Variants in NR2C2 observed in about 807,000 individuals in gnomAD.
NR2C2 encodes nuclear receptor subfamily 2 group C member 2.
Under a neutral mutation model 62.9 loss-of-function variants are expected in NR2C2, and 6 were observed. The observed-to-expected ratio is 0.10, with a 90% CI of 0.05 to 0.19. NR2C2 has a LOEUF of 0.19. Among genes scored for constraint, NR2C2 ranks in the 10% least tolerant of loss-of-function variants. The pLI is 1.00. For missense variants in NR2C2, 479 were observed against 762.7 expected, an observed-to-expected ratio of 0.63 and a Z score of 4.38; for synonymous variants, 272 against 273.8, an observed-to-expected ratio of 0.99 and a Z score of 0.07.
At chr3:14,999,802 T>C (rs928663813) in intron 1 of NR2C2, among the ~76,000 whole-genome samples, 33 of 152,208 alleles carry the variant, frequency 2.2e-4, no homozygotes, top group African/African-American at 7.5e-4. Context: ...TTATCAAATT[T>C]GAACATATAG....
intron 8 of NR2C2, 137 bp downstream of exon 8, chr3:15,028,856 C>A: frequency 1.1e-6 from 1 of 949,872 alleles, no homozygotes; most frequent in Non-Finnish European, 1.5e-6. Context: ...CCCTGCTCAT[C>A]TGTCTTCTTT....
In NR2C2 at chr3:14,972,526, A is replaced by G. The variant is rs564085621; in HGVS notation, c.-40+24620A>G. Among the ~76,000 whole-genome samples, 161 of 152,316 alleles carry G rather than the reference A, an allele frequency of 1.1e-3. 1 individual carries two copies. The highest frequency in any genetic ancestry group is 3.8e-3 in the African/African-American group (156 of 41,572). On this transcript the variant is annotated intron_variant, in intron 1 of 13. Coordinates refer to ENST00000425241, the MANE Select transcript of NR2C2 (RefSeq NM_001291694.2). ...ATTCATATATTTTTGGAGAATGTCT[A>G]TTCAAGTACTTTCCCACTTTTTAAT...
At chr3:15,015,604 ATAGAG>A (rs1305378329) in intron 3 of NR2C2, among the ~76,000 whole-genome samples, 1 of 152,200 alleles carries the variant, frequency 6.6e-6, no homozygotes, top group East Asian at 1.9e-4. Context: ...TAGTAGCCAG[ATAGAG>A]TAGATCAGTG....
Position 14,994,321 on chromosome 3 carries a change from G to A in NR2C2, c.-39-9555G>A, listed in dbSNP as rs2004816. 2.6e-3 allele frequency among the ~76,000 whole-genome samples: 400 copies of A among 151,682 alleles called. 2 individuals carry two copies. The highest frequency in any genetic ancestry group is 9.1e-3 in the African/African-American group (377 of 41,368). ...AAGAACAGAATAGAAATTTCCTGCAGCCCAGAAGCTCTCCTTATGCCCCCT... is the reference window on the plus strand; with the variant it reads ...AAGAACAGAATAGAAATTTCCTGCAACCCAGAAGCTCTCCTTATGCCCCCT... On this transcript the variant is annotated intron_variant, in intron 1 of 13. Coordinates refer to ENST00000425241, the MANE Select transcript of NR2C2 (RefSeq NM_001291694.2).
intron 1 of NR2C2, among the ~76,000 whole-genome samples, chr3:14,976,195 T>C (rs1425151380): frequency 6.6e-6 from 1 of 152,174 alleles, no homozygotes; most frequent in Admixed American, 6.5e-5. Context: ...GTTTATAATC[T>C]TTTCTTATTT....
intron 1 of NR2C2, among the ~76,000 whole-genome samples, chr3:14,958,045 C>T (rs2039578020): frequency 6.6e-6 from 1 of 152,178 alleles, no homozygotes. Flanking sequence ...TCCATTCTTC[C>T]TTCAAGACCT....
At position 15,043,009 on chromosome 3, in the gene NR2C2, C is replaced by T. The variant is rs533260662; in HGVS notation, c.*1C>T. ...CCAGATCACCGGAGCCAGTCTATAG[C>T]GCAAACCACACACCTGCCAAGGAGC... On this transcript the variant is annotated 3_prime_UTR_variant, in exon 14 of 14. Coordinates refer to ENST00000425241, the MANE Select transcript of NR2C2 (RefSeq NM_001291694.2). 1.4e-5 allele frequency: 23 copies of T among 1,613,016 alleles called. No individual in the cohort carries two copies. In the Admixed American group the frequency reaches 2.7e-4, roughly 19 times the overall value.
intron 1 of NR2C2, among the ~76,000 whole-genome samples, chr3:14,954,348 TAAAAG>T (rs1038713258): frequency 6.6e-6 from 1 of 152,006 alleles, no homozygotes; most frequent in Non-Finnish European, 1.5e-5. Flanking sequence ...TAAAAATAGA[TAAAAG>T]TAAAACAGTT....
In NR2C2 at chr3:15,047,875, T is replaced by C. The variant is rs2042510823; in HGVS notation, c.*4867T>C. Reference sequence around the variant, plus strand: ...TTTAAATTTTCAGATAAGAATTGCATTTTAATATGGATATGTGTGCCCTTA... The same window carrying C: ...TTTAAATTTTCAGATAAGAATTGCACTTTAATATGGATATGTGTGCCCTTA... On this transcript the variant is annotated 3_prime_UTR_variant, in exon 14 of 14. Transcript: ENST00000425241. The C allele has an allele frequency of 6.6e-6, 1 of 152,252 alleles. No individual in the cohort carries two copies. 9.4% of individuals were successfully genotyped at this position (152,252 alleles called of 1,614,324 possible). A position where few individuals can be genotyped will look rare whatever the true frequency, so the allele number is the denominator to read the frequency against.
At chr3:14,963,468 A>G (rs1159465178) in intron 1 of NR2C2, among the ~76,000 whole-genome samples, 1 of 146,952 alleles carries the variant, frequency 6.8e-6, no homozygotes, top group East Asian at 2.0e-4. Context: ...CGCATTTTTT[A>G]TTTTTTATTT....
intron 13 of NR2C2, among the ~76,000 whole-genome samples, chr3:15,041,711 G>A (rs1341652548): frequency 6.6e-6 from 1 of 152,030 alleles, no homozygotes; most frequent in Admixed American, 6.6e-5. Context: ...TGAAAAATTA[G>A]TCAGGTGCGG....
rs777204501 is a variant in NR2C2, at chr3:15,020,750, C to A, written c.377-3C>A. The A allele has an allele frequency of 6.2e-7, 1 of 1,612,970 alleles. No individual in the cohort carries two copies. Among genetic ancestry groups the A allele is most frequent in the South Asian group, 1.1e-5 (1 of 91,024 alleles). ...TATTTGTGTATTCTTTCTCCTGTTT[C>A]AGGCCGTCACTATGGGGCTGTCAGT... On this transcript the variant is annotated splice_polypyrimidine_tract_variant and splice_region_variant and intron_variant, in intron 4 of 13. Coordinates refer to ENST00000425241, the MANE Select transcript of NR2C2 (RefSeq NM_001291694.2).
chr3:15,037,155 A>G (rs935083021), intron 11 of NR2C2, among the ~76,000 whole-genome samples: 1 of 150,534 alleles, frequency 6.6e-6, no homozygotes, highest in Admixed American at 6.6e-5. Context: ...TGAAGTTAAG[A>G]TTTGTTCACA....
At chr3:14,973,003 C>T (rs1296171063) in intron 1 of NR2C2, among the ~76,000 whole-genome samples, 1 of 152,210 alleles carries the variant, frequency 6.6e-6, no homozygotes, top group Non-Finnish European at 1.5e-5. Context: ...TACAGTTTGA[C>T]ATGAGATTGG....
At chr3:15,007,998 TTACAG>T (rs1320226162) in intron 2 of NR2C2, among the ~76,000 whole-genome samples, 4 of 152,106 alleles carry the variant, frequency 2.6e-5, no homozygotes, top group Non-Finnish European at 2.9e-5. Context: ...TCTCGGGTGT[TTACAG>T]TGAAAGAGGT....
At chr3:15,002,707 G>A (rs1390205205) in intron 1 of NR2C2, among the ~76,000 whole-genome samples, 1 of 135,216 alleles carries the variant, frequency 7.4e-6, no homozygotes, top group East Asian at 2.4e-4. Flanking sequence ...TGCCCAGGGT[G>A]GAGTACAATA....
At chr3:15,013,910 A>C (rs1326523391) in intron 3 of NR2C2, 121 bp downstream of exon 3, 2 of 1,020,178 alleles carry the variant, frequency 2.0e-6, no homozygotes, top group African/African-American at 3.2e-5. Context: ...GGACCTGCAA[A>C]CATGGCAGGT....
chr3:15,014,371 A>G (rs1214882464), intron 3 of NR2C2, among the ~76,000 whole-genome samples: 1 of 152,216 alleles, frequency 6.6e-6, no homozygotes, highest in Non-Finnish European at 1.5e-5. Flanking sequence ...GAGTCTGGGA[A>G]GTATAGAATC....
intron 1 of NR2C2, among the ~76,000 whole-genome samples, chr3:14,992,329 T>C (rs942907580): frequency 2.6e-5 from 4 of 152,022 alleles, no homozygotes; most frequent in African/African-American, 9.7e-5. Context: ...CCTTGGTTTA[T>C]ATAATGAACT....
Sources: gnomAD v4.1 joint callset for allele counts (sites outside exome capture counted in the v4.1 genomes callset) on GRCh38, gnomAD v4.1.1 for gene constraint, MANE v1.5 for transcripts, NCBI Gene and HGNC (gene_info 2026-07-23, HGNC 2026-07-21) for gene names.